The following FARP1 variants were observed in gnomAD, a reference collection of about 807,000 sequenced individuals.
The protein encoded by FARP1 is FERM, ARH/RhoGEF and pleckstrin domain protein 1.
FARP1 carries 52 observed loss-of-function variants against 128.8 expected under a neutral mutation model. The observed-to-expected ratio is 0.40, with a 90% CI of 0.32 to 0.51. FARP1 has a LOEUF of 0.51. Among genes scored for constraint, FARP1 ranks in the 20% least tolerant of loss-of-function variants. The pLI is 0.45. For missense variants in FARP1, 1,333 were observed against 1,367.9 expected (o/e 0.97, Z 0.40); for synonymous variants, 580 against 551.8 (o/e 1.05, Z -0.72).
At chr13:98,203,217 C>T (rs568174013) in intron 1 of FARP1, among the ~76,000 whole-genome samples, 4 of 152,292 alleles carry the variant, frequency 2.6e-5, no homozygotes, top group Admixed American at 2.0e-4. Context: ...GGAATATTCA[C>T]GGACACATAG....
At chr13:98,197,232 C>T (rs1405693796) in intron 1 of FARP1, among the ~76,000 whole-genome samples, 2 of 152,056 alleles carry the variant, frequency 1.3e-5, no homozygotes, top group African/African-American at 4.8e-5. Flanking sequence ...TTTGGGAGGC[C>T]GAGGTGGGTG....
chr13:98,296,706 T>C (rs1477956086), intron 2 of FARP1, among the ~76,000 whole-genome samples: 3 of 149,502 alleles, frequency 2.0e-5, no homozygotes, highest in Admixed American at 6.6e-5. Context: ...TTTTTTTTTT[T>C]CCTGAGACAG....
At chr13:98,299,304 T>C (rs766378612) in intron 2 of FARP1, among the ~76,000 whole-genome samples, 1 of 152,110 alleles carries the variant, frequency 6.6e-6, no homozygotes, top group Non-Finnish European at 1.5e-5. Flanking sequence ...TTTCTCTTCC[T>C]CTCTATCCTC....
intron 24 of FARP1, among the ~76,000 whole-genome samples, chr13:98,443,542 G>A (rs977898552): frequency 1.1e-4 from 16 of 152,314 alleles, no homozygotes; most frequent in South Asian, 2.1e-4. Flanking sequence ...CCCCAGTCCC[G>A]TGCCCAGCCT....
At chr13:98,378,600 A>G (rs2140011786) in intron 6 of FARP1, among the ~76,000 whole-genome samples, 1 of 152,070 alleles carries the variant, frequency 6.6e-6, no homozygotes, top group Non-Finnish European at 1.5e-5. Context: ...CTATCATATC[A>G]CCTTTTACAT....
At chr13:98,414,476 T>A (rs1185431431) in intron 16 of FARP1, among the ~76,000 whole-genome samples, 1 of 151,896 alleles carries the variant, frequency 6.6e-6, no homozygotes, top group Non-Finnish European at 1.5e-5. Context: ...AAAGGCTGAG[T>A]GTGAATGAGT....
chr13:98,333,104 C>A (rs1012737189), intron 2 of FARP1: 1 of 152,130 alleles, frequency 6.6e-6, no homozygotes, highest in Non-Finnish European at 1.5e-5. Flanking sequence ...AGGAAAAAGA[C>A]ACATCTTTTG....
At chr13:98,190,642 A>G (rs1879162495) in intron 1 of FARP1, among the ~76,000 whole-genome samples, 1 of 152,120 alleles carries the variant, frequency 6.6e-6, no homozygotes, top group African/African-American at 2.4e-5. Flanking sequence ...AGCTCACTGC[A>G]GTCTCAGCTC....
At chr13:98,256,954 T>TGG (rs1566801046) in intron 2 of FARP1, among the ~76,000 whole-genome samples, 22 of 53,390 alleles carry the variant, frequency 4.1e-4, no homozygotes, top group Middle Eastern at 0.011. Flanking sequence ...TGTGGATATA[T>TGG]ATATATATAT....
intron 9 of FARP1, 105 bp from the exon 10 acceptor site, chr13:98,389,852 A>G: frequency 9.1e-7 from 1 of 1,092,984 alleles, no homozygotes; most frequent in Non-Finnish European, 1.3e-6. Flanking sequence ...TAAAATACAC[A>G]GCGAAAACTT....
chr13:98,170,708 T>C (rs1424140956), intron 1 of FARP1, among the ~76,000 whole-genome samples: 1 of 150,690 alleles, frequency 6.6e-6, no homozygotes, highest in Non-Finnish European at 1.5e-5. Flanking sequence ...GTCAGGCTGG[T>C]CTCGAACTCC....
chr13:98,396,415 C>T (rs531842294), intron 13 of FARP1: 2 of 399,182 alleles, frequency 5.0e-6, no homozygotes, highest in Admixed American at 4.4e-5. Flanking sequence ...GCTGAGAAGC[C>T]GGGGGTCCTT....
chr13:98,425,049 A>C (rs1891730361), intron 17 of FARP1, among the ~76,000 whole-genome samples: 1 of 152,168 alleles, frequency 6.6e-6, no homozygotes, highest in Admixed American at 6.5e-5. Flanking sequence ...GCTGTTCGGC[A>C]AACCCTTCTC....
At chr13:98,375,508 C>T (rs1235447397) in intron 5 of FARP1, among the ~76,000 whole-genome samples, 8 of 152,218 alleles carry the variant, frequency 5.3e-5, no homozygotes, top group Admixed American at 5.2e-4. Flanking sequence ...ACACTCAATT[C>T]TTTGCCTTGG....
At chr13:98,430,653 G>C (rs151237285) in intron 17 of FARP1, among the ~76,000 whole-genome samples, 13 of 152,170 alleles carry the variant, frequency 8.5e-5, no homozygotes, top group Admixed American at 3.3e-4. Context: ...GCTCACTGAC[G>C]GCCCCTGGGC....
At chr13:98,286,492 T>C (rs1344773108) in intron 2 of FARP1, among the ~76,000 whole-genome samples, 1 of 152,210 alleles carries the variant, frequency 6.6e-6, no homozygotes, top group East Asian at 1.9e-4. Flanking sequence ...TCTGATGGTT[T>C]TATAAGGGGG....
chr13:98,444,602 C>T (rs1275382811), intron 24 of FARP1, among the ~76,000 whole-genome samples: 2 of 152,166 alleles, frequency 1.3e-5, no homozygotes, highest in Non-Finnish European at 2.9e-5. Context: ...GCGGGAGGCT[C>T]GGCCCGGCCG....
At chr13:98,290,545 A>G (rs548329035) in intron 2 of FARP1, among the ~76,000 whole-genome samples, 73 of 152,226 alleles carry the variant, frequency 4.8e-4, no homozygotes, top group African/African-American at 1.4e-3. Context: ...ACAGTGTGGT[A>G]TAGGGTTGGA....
intron 13 of FARP1, chr13:98,396,551 T>C (rs1281542197): frequency 5.0e-6 from 2 of 398,870 alleles, no homozygotes; most frequent in Non-Finnish European, 8.8e-6. Flanking sequence ...AGGGTTTCCC[T>C]AAAGATCATC....
Sources: gnomAD v4.1 joint callset for allele counts (sites outside exome capture counted in the v4.1 genomes callset) on GRCh38, gnomAD v4.1.1 for gene constraint, MANE v1.5 for transcripts, NCBI Gene and HGNC (gene_info 2026-07-23, HGNC 2026-07-21) for gene names.